The following FPR3 variants were observed in gnomAD, a reference collection of about 807,000 sequenced individuals.
FPR3 encodes the protein N-formyl peptide receptor 3.
For missense variants in FPR3, 346 were observed against 443.2 expected (o/e 0.78, Z 1.97); for synonymous variants, 135 against 163.6 (o/e 0.83, Z 1.34).
chr19:51,804,357 T>C (rs1040867856), intron 1 of FPR3, among the ~76,000 whole-genome samples: 1 of 152,158 alleles, frequency 6.6e-6, no homozygotes, highest in Non-Finnish European at 1.5e-5. Flanking sequence ...AACAAACTTC[T>C]AATGGGAGGG....
chr19:51,820,989 T>C (rs765719123), intron 1 of FPR3, among the ~76,000 whole-genome samples: 2 of 152,206 alleles, frequency 1.3e-5, no homozygotes, highest in Non-Finnish European at 1.5e-5. Context: ...GTAGCCACTA[T>C]TGCTATGAGC....
At chr19:51,822,774 C>T (rs2084199978) in intron 1 of FPR3, among the ~76,000 whole-genome samples, 1 of 152,148 alleles carries the variant, frequency 6.6e-6, no homozygotes, top group African/African-American at 2.4e-5. Flanking sequence ...TAAGTAGGGA[C>T]AATGAAAAGC....
chr19:51,795,670 C>T (rs956517299), intron 1 of FPR3, among the ~76,000 whole-genome samples: 1 of 151,508 alleles, frequency 6.6e-6, no homozygotes, highest in Non-Finnish European at 1.5e-5. Context: ...CCTGCCACCA[C>T]GCCTGGCTAA....
At chr19:51,819,764 C>G (rs2084173919) in intron 1 of FPR3, among the ~76,000 whole-genome samples, 1 of 152,138 alleles carries the variant, frequency 6.6e-6, no homozygotes, top group South Asian at 2.1e-4. Flanking sequence ...GAAAACACTT[C>G]TCTTAAAGAA....
chr19:51,808,173 G>A (rs2084072938), intron 1 of FPR3, among the ~76,000 whole-genome samples: 1 of 152,216 alleles, frequency 6.6e-6, no homozygotes, highest in South Asian at 2.1e-4. Context: ...GTAAATATGT[G>A]TAAGTTGATA....
intron 1 of FPR3, among the ~76,000 whole-genome samples, chr19:51,804,328 G>C (rs1422279348): frequency 6.6e-6 from 1 of 152,014 alleles, no homozygotes; most frequent in Non-Finnish European, 1.5e-5. Context: ...CCTAGCCCTG[G>C]AATACTTACT....
At chr19:51,818,279 T>C (rs1212382606) in intron 1 of FPR3, among the ~76,000 whole-genome samples, 1 of 152,232 alleles carries the variant, frequency 6.6e-6, no homozygotes, top group Non-Finnish European at 1.5e-5. Flanking sequence ...CTTTTTGATA[T>C]ATAGGATTCA....
chr19:51,799,989 T>C (rs1247750016), intron 1 of FPR3, among the ~76,000 whole-genome samples: 1 of 152,214 alleles, frequency 6.6e-6, no homozygotes, highest in African/African-American at 2.4e-5. Flanking sequence ...TTGCTGATGA[T>C]AGGGCCATGG....
At chr19:51,809,625 C>A (rs758889164) in intron 1 of FPR3, among the ~76,000 whole-genome samples, 1 of 152,208 alleles carries the variant, frequency 6.6e-6, no homozygotes, top group Non-Finnish European at 1.5e-5. Context: ...ATTTCTCCTT[C>A]ATAATCAGAG....
At chr19:51,795,424 G>T (rs2083990167) in intron 1 of FPR3, 93 bp downstream of exon 1, 1 of 145,742 alleles carries the variant, frequency 6.9e-6, no homozygotes, top group Non-Finnish European at 1.5e-5. Flanking sequence ...GTCCAGTGAA[G>T]AATCCACTTC....
At chr19:51,817,831 TA>T (rs1332811703) in intron 1 of FPR3, 1 of 152,266 alleles carries the variant, frequency 6.6e-6, no homozygotes, top group Non-Finnish European at 1.5e-5. Context: ...GGAACTCAGC[TA>T]GTGGTAAGTT....
intron 1 of FPR3, among the ~76,000 whole-genome samples, chr19:51,821,447 T>TA (rs1421994467): frequency 6.6e-6 from 1 of 152,104 alleles, no homozygotes; most frequent in Non-Finnish European, 1.5e-5. Context: ...TGTTGCTAAA[T>TA]ATCCTACTGT....
Position 51,824,326 on chromosome 19 carries a change from T to C in FPR3, c.578T>C (p.Val193Ala), listed in dbSNP as rs866353243. 2.5e-6 allele frequency: 4 copies of C among 1,614,170 alleles called. No homozygotes were observed. In the Middle Eastern group the frequency reaches 5.0e-4, roughly 200 times the overall value. The change falls in exon 2 of 2, where the codon GTG becomes GCG. Residue 193 changes from valine to alanine, a missense_variant. Transcript: ENST00000339223. The surrounding 1 kb of genome is among the most constrained non-coding windows in gnomAD (Gnocchi z 4.7). ...WGDTAVERLN[V>A]FITMAKVFLI... ...GACACTGCTGTAGAGAGGTTGAACG[T>C]GTTCATTACCATGGCCAAGGTCTTT...
At chr19:51,807,778 C>T (rs1205151826) in intron 1 of FPR3, among the ~76,000 whole-genome samples, 1 of 152,218 alleles carries the variant, frequency 6.6e-6, no homozygotes, top group Non-Finnish European at 1.5e-5. Flanking sequence ...GTTTGCCAGG[C>T]AGTCGACATT....
At position 51,817,389 on chromosome 19, in the gene FPR3, AAGAG is replaced by A. The variant is rs910161184; in HGVS notation, c.-10-6334_-10-6331del. Reference sequence around the variant, plus strand: ...TTATCTGGCTTTCCAAGAAATCATAAAGAGAGAGAGAGAGAGAGAAAATAGCCAA... The same window carrying A: ...TTATCTGGCTTTCCAAGAAATCATAAAGAGAGAGAGAGAGAAAATAGCCAA... On this transcript the variant is annotated intron_variant, in intron 1 of 1. Coordinates refer to ENST00000339223, the MANE Select transcript of FPR3 (RefSeq NM_002030.5). 1.1e-4 allele frequency among the ~76,000 whole-genome samples: 17 copies of A among 150,954 alleles called. 1 individual carries two copies. Among genetic ancestry groups the A allele is most frequent in the South Asian group, 6.3e-4 (3 of 4,782 alleles).
rs149423962 is a variant in FPR3 at position 51,820,174 on chromosome 19, T to C, written c.-10-3565T>C. Among the ~76,000 whole-genome samples, 721 of 152,280 alleles carry C rather than the reference T, an allele frequency of 4.7e-3. 1 individual carries two copies. The highest frequency in any genetic ancestry group is 7.3e-3 in the Admixed American group (112 of 15,292). ...GAAAGCAGAAGGGCTGAATGTTATTTTAATGCATCAGAAATCACACGTGCT... is the reference window on the plus strand; with the variant it reads ...GAAAGCAGAAGGGCTGAATGTTATTCTAATGCATCAGAAATCACACGTGCT... On this transcript the variant is annotated intron_variant, in intron 1 of 1. Transcript: ENST00000339223.
At chr19:51,817,067 C>T (rs1363697447) in intron 1 of FPR3, among the ~76,000 whole-genome samples, 1 of 152,092 alleles carries the variant, frequency 6.6e-6, no homozygotes, top group Admixed American at 6.5e-5. Context: ...TCCAGTCTCC[C>T]ACAGAAGGTT....
intron 1 of FPR3, among the ~76,000 whole-genome samples, chr19:51,809,301 C>T (rs1327553200): frequency 6.6e-6 from 1 of 152,216 alleles, no homozygotes; most frequent in East Asian, 1.9e-4. Context: ...TGTTCCTACT[C>T]CCACTAGGGA....
At chr19:51,818,184 C>T (rs1174997796) in intron 1 of FPR3, among the ~76,000 whole-genome samples, 2 of 152,250 alleles carry the variant, frequency 1.3e-5, no homozygotes, top group Non-Finnish European at 2.9e-5. Flanking sequence ...AAATGCATCT[C>T]ATGTCTTCTA....
Sources: gnomAD v4.1 joint callset for allele counts (sites outside exome capture counted in the v4.1 genomes callset) on GRCh38, gnomAD v4.1.1 for gene constraint, Gnocchi (gnomAD v3.1) non-coding constraint, MANE v1.5 for transcripts, NCBI Gene and HGNC (gene_info 2026-07-23, HGNC 2026-07-21) for gene names.